The following ORC5 variants were observed in gnomAD, a reference collection of about 807,000 sequenced individuals.
The protein encoded by ORC5 is protein phosphatase 1, regulatory subunit 117.
In ORC5, 39 loss-of-function variants were observed where a neutral mutation model predicts 58.8. The ratio of observed to expected loss-of-function variants is 0.66; its 90% CI spans 0.51 to 0.87. The LOEUF (loss-of-function observed/expected upper bound fraction) is 0.87, where lower values mean the gene tolerates loss of function less well. ORC5 is among the 40% of genes least tolerant of loss of function. The pLI is 0.00. For synonymous variants in ORC5, 218 were observed against 177.6 expected (o/e 1.23, Z -1.81); for missense variants, 493 against 506.3 (o/e 0.97, Z 0.25).
At position 104,204,152 on chromosome 7, in the gene ORC5, T is replaced by C. The variant is rs745480413; in HGVS notation, c.155A>G (p.Lys52Arg). The C allele has an allele frequency of 6.4e-6, 10 of 1,557,112 alleles. No homozygotes were observed. The highest frequency in any genetic ancestry group is 8.8e-6 in the Non-Finnish European group (10 of 1,139,576). The change falls in exon 2 of 14, where the codon AAA (lysine) becomes AGA (arginine). Residue 52 changes from lysine to arginine, a missense_variant. Lys to Arg is a conservative substitution (Grantham distance 26, BLOSUM62 2). This residue lies in a region of ORC5 where 412 missense variants were observed against 403.7 expected (regional missense o/e 1.02). Transcript: ENST00000297431. ...GKTYVTQTLL[K>R]TLELPHVFVN... is the part of the protein sequence containing the mutation. ...TATTTTTATTCTTACCTCTAAAGTTTTCAACAACGTTTGTGTTACATAGGT... is the reference window on the plus strand; with the variant it reads ...TATTTTTATTCTTACCTCTAAAGTTCTCAACAACGTTTGTGTTACATAGGT...
Position 104,126,885 on chromosome 7 carries a change from T to C in ORC5, c.1271A>G (p.Asn424Ser). Residue 424 changes from asparagine to serine, a missense_variant, in exon 14 of 14, where the codon AAC becomes AGC. Asn to Ser is a conservative substitution (Grantham distance 46). This residue lies in a region of ORC5 where 77 missense variants were observed against 86.1 expected (regional missense o/e 0.89). Coordinates refer to ENST00000297431, the MANE Select transcript of ORC5 (RefSeq NM_002553.4). Reference protein sequence around the residue: ...DFIRAIARTVNFDIIKYLYDF... With the variant: ...DFIRAIARTVSFDIIKYLYDF... ...ATACAAGTATTTTATTATGTCAAAGTTCACCGTCCTAAAAACAAAAACAGA... is the reference window on the plus strand; with the variant it reads ...ATACAAGTATTTTATTATGTCAAAGCTCACCGTCCTAAAAACAAAAACAGA... 6.2e-7 allele frequency: 1 copy of C among 1,606,656 alleles called. No homozygotes were observed.
rs1310320110 is a variant in ORC5, at chr7:104,201,103, T to G, written c.166-145A>C. ...CCCCAAGAGCCTGACAGCTACAGAA[T>G]TACATCACCTGGACTCTCTTATTTT... On this transcript the variant is annotated intron_variant, in intron 2 of 13. Transcript: ENST00000297431. 4.6e-6 allele frequency: 3 copies of G among 649,222 alleles called. No homozygotes were observed. In the East Asian group the frequency reaches 8.2e-5, roughly 18 times the overall value. 40.2% of individuals were successfully genotyped at this position (649,222 alleles called of 1,614,324 possible).
intron 6 of ORC5, chr7:104,187,796 TGA>T: frequency 1.0e-6 from 1 of 984,974 alleles, no homozygotes; most frequent in Non-Finnish European, 1.2e-6. Context: ...AGACCTGCAA[TGA>T]AAGCTTCTGA....
intron 2 of ORC5, 63 bp from the exon 3 acceptor site, chr7:104,201,021 T>C: frequency 1.5e-6 from 2 of 1,370,344 alleles, no homozygotes; most frequent in South Asian, 1.3e-5. Flanking sequence ...ATAATGGCTG[T>C]GCTGGATAGT....
intron 10 of ORC5, among the ~76,000 whole-genome samples, chr7:104,165,926 C>T (rs1294818483): frequency 2.0e-5 from 3 of 151,860 alleles, no homozygotes; most frequent in Admixed American, 1.3e-4. Context: ...CTTAGCCAGG[C>T]GTGGGGGCAC....
At chr7:104,192,589 A>G (rs992153131) in intron 5 of ORC5, among the ~76,000 whole-genome samples, 10 of 152,276 alleles carry the variant, frequency 6.6e-5, no homozygotes, top group Admixed American at 5.9e-4. Flanking sequence ...TGCTAATGAG[A>G]AAAAGTCCAA....
At chr7:104,197,637 T>C (rs1423061089) in intron 4 of ORC5, 88 bp downstream of exon 4, 1 of 740,360 alleles carries the variant, frequency 1.4e-6, no homozygotes, top group East Asian at 2.8e-5. Flanking sequence ...ATACTAATTC[T>C]CACCTATCAA....
At chr7:104,145,779 C>T (rs556925473) in intron 12 of ORC5, among the ~76,000 whole-genome samples, 36 of 152,128 alleles carry the variant, frequency 2.4e-4, no homozygotes, top group African/African-American at 8.7e-4. Flanking sequence ...ATAGAGGGTG[C>T]GAGTCTTAGA....
At chr7:104,147,534 A>C (rs1798776379) in intron 12 of ORC5, among the ~76,000 whole-genome samples, 1 of 152,184 alleles carries the variant, frequency 6.6e-6, no homozygotes, top group Non-Finnish European at 1.5e-5. Flanking sequence ...CTTGCCCATC[A>C]GGACTTGAAA....
intron 11 of ORC5, among the ~76,000 whole-genome samples, chr7:104,164,516 G>A (rs535412195): frequency 1.7e-4 from 26 of 152,318 alleles, no homozygotes; most frequent in Admixed American, 3.3e-4. Flanking sequence ...TTTGGAGTCA[G>A]GAAGTCCTGG....
At chr7:104,132,913 G>A (rs929784351) in intron 13 of ORC5, among the ~76,000 whole-genome samples, 5 of 152,074 alleles carry the variant, frequency 3.3e-5, no homozygotes, top group African/African-American at 1.2e-4. Flanking sequence ...GAAATCTAAA[G>A]GTTATGTAGC....
intron 12 of ORC5, among the ~76,000 whole-genome samples, chr7:104,150,783 T>A (rs1348095959): frequency 6.6e-6 from 1 of 152,138 alleles, no homozygotes; most frequent in Non-Finnish European, 1.5e-5. Context: ...GTGCAAGAGA[T>A]ACAAAAATGA....
chr7:104,146,085 A>G (rs1443227763), intron 12 of ORC5, among the ~76,000 whole-genome samples: 1 of 152,224 alleles, frequency 6.6e-6, no homozygotes, highest in African/African-American at 2.4e-5. Context: ...CGAACAGTGG[A>G]AAGAGGAGAT....
chr7:104,173,073 A>G (rs533716290), intron 8 of ORC5, among the ~76,000 whole-genome samples: 9 of 152,194 alleles, frequency 5.9e-5, no homozygotes, highest in Admixed American at 2.0e-4. Context: ...AGGGAGGGCC[A>G]CGAAGAAAGT....
chr7:104,143,604 G>A (rs1376636585), intron 12 of ORC5, among the ~76,000 whole-genome samples: 2 of 151,818 alleles, frequency 1.3e-5, no homozygotes, highest in Admixed American at 1.3e-4. Flanking sequence ...ATTTTTTTAG[G>A]GGTAGGGATG....
intron 12 of ORC5, among the ~76,000 whole-genome samples, chr7:104,140,139 C>T (rs1175904142): frequency 6.6e-6 from 1 of 152,024 alleles, no homozygotes; most frequent in Admixed American, 6.5e-5. Context: ...CATGATTCTA[C>T]TTTCAAGGTT....
In ORC5 at chr7:104,207,891, TC is replaced by T; in HGVS notation, c.13del (p.Glu5LysfsTer42). On this transcript the variant is annotated frameshift_variant, in exon 1 of 14. Coordinates refer to ENST00000297431, the MANE Select transcript of ORC5 (RefSeq NM_002553.4). LOFTEE classifies it high-confidence loss of function. The stretch of plus-strand genomic sequence containing the variant: ...AGACTCGCGACAAAGCACCACGTTT[TC>T]CAAGTGGGGCATTCTGGCAGGCACC... MPHL[E>X]NVVLCRESQV... is the part of the protein sequence containing the mutation. 1 of 1,614,166 alleles carries T rather than the reference TC, an allele frequency of 6.2e-7. No individual in the cohort carries two copies. The highest frequency in any genetic ancestry group is 8.5e-7 in the Non-Finnish European group (1 of 1,180,022).
chr7:104,168,497 C>T lies in ORC5; in HGVS notation c.853G>A (p.Asp285Asn), dbSNP rs1279884739. 6.3e-7 allele frequency: 1 copy of T among 1,587,780 alleles called. No individual in the cohort carries two copies. Among genetic ancestry groups the T allele is most frequent in the Non-Finnish European group, 8.6e-7 (1 of 1,169,574 alleles). The change falls in exon 9 of 14, where the codon GAC becomes AAC. Residue 285 changes from aspartate to asparagine, a missense_variant. Transcript: ENST00000297431. Reference sequence around the variant, plus strand: ...CCTTTCAGTTGCCCCGGATCTGTGTCATCTTTCTGTAGCTTTTCCCACTGG... The same window carrying T: ...CCTTTCAGTTGCCCCGGATCTGTGTTATCTTTCTGTAGCTTTTCCCACTGG... Reference protein sequence around the residue: ...SSQWEKLQKDDTDPGQLKGLS... With the variant: ...SSQWEKLQKDNTDPGQLKGLS...
chr7:104,188,865 T>C (rs1290744018), intron 5 of ORC5, among the ~76,000 whole-genome samples: 2 of 152,048 alleles, frequency 1.3e-5, no homozygotes, highest in Non-Finnish European at 2.9e-5. Flanking sequence ...TTTCAAAGTG[T>C]GCAGCACTTC....
Sources: gnomAD v4.1 joint callset for allele counts (sites outside exome capture counted in the v4.1 genomes callset) on GRCh38, gnomAD v4.1.1 for gene constraint, gnomAD v4.1.1 regional missense constraint, MANE v1.5 for transcripts, NCBI Gene and HGNC (gene_info 2026-07-23, HGNC 2026-07-21) for gene names.